Variants in SSH2 observed in about 807,000 individuals in gnomAD.
SSH2 encodes the protein slingshot protein phosphatase 2.
Under a neutral mutation model 135.2 loss-of-function variants are expected in SSH2, and 37 were observed. That is an observed-to-expected ratio of 0.27 (90% CI 0.21 to 0.36). The LOEUF (loss-of-function observed/expected upper bound fraction) is 0.36, where lower values mean the gene tolerates loss of function less well. SSH2 is among the 10% of genes least tolerant of loss of function. The probability of loss-of-function intolerance (pLI) is 1.00; values close to 1 mark genes in which losing one functional copy is unlikely to be tolerated. For synonymous variants in SSH2, 628 were observed against 646.2 expected, an observed-to-expected ratio of 0.97 and a Z score of 0.43; for missense variants, 1,408 against 1,765.3, an observed-to-expected ratio of 0.80 and a Z score of 3.63.
In SSH2 at chr17:29,636,400, T is replaced by C; in HGVS notation, c.1830A>G (p.Pro610=). ...SKALIQPGHV[P]EMANKFPDLT... is the part of the protein sequence containing the mutation. ...AGTCTGGAAACTTGTTGGCCATTTCTGGGACATGTCCAGGCTGAATTAAGG... is the reference window on the plus strand; with the variant it reads ...AGTCTGGAAACTTGTTGGCCATTTCCGGGACATGTCCAGGCTGAATTAAGG... The change falls in exon 15 of 16, where the codon CCA becomes CCG. Residue 610 remains proline, a synonymous_variant. Transcript: ENST00000540801. 1 of 1,614,242 alleles carries C rather than the reference T, an allele frequency of 6.2e-7. No homozygotes were observed. Among genetic ancestry groups the C allele is most frequent in the Non-Finnish European group, 8.5e-7 (1 of 1,180,038 alleles).
intron 2 of SSH2, among the ~76,000 whole-genome samples, chr17:29,806,919 G>T (rs2042356808): frequency 6.6e-6 from 1 of 152,130 alleles, no homozygotes; most frequent in Admixed American, 6.5e-5. Flanking sequence ...TGGCATCTGG[G>T]TTTAGCACCA....
chr17:29,632,371 A>G lies in SSH2; in HGVS notation c.2823T>C (p.Ser941=). ...SVADLAPKGK[S]DEAPPEHSFV... ...ATGAATGTTCTGGGGGGGCTTCATC[A>G]CTTTTCCCTTTTGGTGCTAGGTCTG... The change falls in exon 16 of 16, where the codon AGT becomes AGC. Residue 941 remains serine, a synonymous_variant. Transcript: ENST00000540801. The G allele has an allele frequency of 6.2e-7, 1 of 1,613,884 alleles. No individual in the cohort carries two copies. Among genetic ancestry groups the G allele is most frequent in the Non-Finnish European group, 8.5e-7 (1 of 1,179,868 alleles).
intron 2 of SSH2, among the ~76,000 whole-genome samples, chr17:29,847,574 C>T (rs1241251708): frequency 6.6e-6 from 1 of 152,204 alleles, no homozygotes; most frequent in African/African-American, 2.4e-5. Context: ...CTTCCCTTCA[C>T]TTCCCTCCAG....
intron 3 of SSH2, among the ~76,000 whole-genome samples, chr17:29,761,841 A>AGTGTGTGTG (rs2041319161): frequency 7.1e-6 from 1 of 141,228 alleles, no homozygotes; most frequent in African/African-American, 2.9e-5. Context: ...ACTCACATAC[A>AGTGTGTGTG]TATGTGTGTG....
intron 1 of SSH2, among the ~76,000 whole-genome samples, chr17:29,851,577 G>A (rs2065560550): frequency 6.6e-6 from 1 of 151,720 alleles, no homozygotes; most frequent in African/African-American, 2.4e-5. Context: ...TGGGCAATAA[G>A]AGCGAAACGC....
At chr17:29,727,187 A>G (rs994638610) in intron 3 of SSH2, among the ~76,000 whole-genome samples, 1 of 152,254 alleles carries the variant, frequency 6.6e-6, no homozygotes, top group African/African-American at 2.4e-5. Flanking sequence ...AATAATGCAG[A>G]TAAGTTCTGA....
At chr17:29,766,848 A>C (rs897491033) in intron 3 of SSH2, among the ~76,000 whole-genome samples, 2 of 152,172 alleles carry the variant, frequency 1.3e-5, no homozygotes, top group Non-Finnish European at 2.9e-5. Flanking sequence ...GTCTCCTGTT[A>C]ATCTGTAAAA....
chr17:29,759,784 T>C (rs927374056), intron 3 of SSH2, among the ~76,000 whole-genome samples: 1 of 152,260 alleles, frequency 6.6e-6, no homozygotes, highest in Non-Finnish European at 1.5e-5. Context: ...TTCTACTATA[T>C]GTACATACCA....
chr17:29,866,570 C>T (rs2065859171), intron 1 of SSH2, among the ~76,000 whole-genome samples: 1 of 152,072 alleles, frequency 6.6e-6, no homozygotes, highest in African/African-American at 2.4e-5. Flanking sequence ...GTCTGAAAAC[C>T]CATGAAAAGA....
chr17:29,840,551 T>C (rs2043022746), intron 2 of SSH2, among the ~76,000 whole-genome samples: 1 of 152,236 alleles, frequency 6.6e-6, no homozygotes, highest in Non-Finnish European at 1.5e-5. Flanking sequence ...ATTTTAGAAG[T>C]TGTCACAAGT....
At chr17:29,863,029 A>G (rs1483199646) in intron 1 of SSH2, among the ~76,000 whole-genome samples, 2 of 152,188 alleles carry the variant, frequency 1.3e-5, no homozygotes. Context: ...TTATACAGCC[A>G]GCAAGCTAAG....
At chr17:29,902,061 A>G (rs1276379525) in intron 1 of SSH2, among the ~76,000 whole-genome samples, 1 of 152,112 alleles carries the variant, frequency 6.6e-6, no homozygotes, top group Non-Finnish European at 1.5e-5. Context: ...TGTTGGGATT[A>G]CAGGCATAAA....
Position 29,930,213 on chromosome 17 carries a change from A to T in SSH2, c.-213T>A. 5.4e-6 allele frequency: 3 copies of T among 554,170 alleles called. No homozygotes were observed. Among genetic ancestry groups the T allele is most frequent in the South Asian group, 4.4e-5 (2 of 45,126 alleles). 34.3% of individuals were successfully genotyped at this position (554,170 alleles called of 1,614,324 possible). On this transcript the variant is annotated 5_prime_UTR_variant, in exon 1 of 16. Transcript: ENST00000540801. ...ACGGGCGGCGGGCGGGCGGTTCCGC[A>T]GCTGCGGGGCACAATGAGCGCTCCC...
Position 29,636,415 on chromosome 17 carries a change from C to A in SSH2, c.1815G>T (p.Gln605His), listed in dbSNP as rs2035916991. The A allele has an allele frequency of 3.7e-6, 6 of 1,614,184 alleles. No homozygotes were observed. The highest frequency in any genetic ancestry group is 4.2e-6 in the Non-Finnish European group (5 of 1,180,034). The change falls in exon 15 of 16, where the codon CAG becomes CAT. Residue 605 changes from glutamine to histidine, a missense_variant. By Grantham distance (24) the Gln-to-His change is conservative. Transcript: ENST00000540801. Reference protein sequence around the residue: ...DNCHASKALIQPGHVPEMANK... With the variant: ...DNCHASKALIHPGHVPEMANK... ...TGGCCATTTCTGGGACATGTCCAGG[C>A]TGAATTAAGGCTTTGGATGCATGGC...
chr17:29,826,956 G>A (rs2042756750), intron 2 of SSH2, among the ~76,000 whole-genome samples: 1 of 152,114 alleles, frequency 6.6e-6, no homozygotes, highest in African/African-American at 2.4e-5. Flanking sequence ...AAAGGTAGCA[G>A]CTACCTACCA....
intron 2 of SSH2, among the ~76,000 whole-genome samples, chr17:29,845,520 C>G (rs1474561605): frequency 6.6e-6 from 1 of 152,186 alleles, no homozygotes; most frequent in Non-Finnish European, 1.5e-5. Context: ...GACAACAAAT[C>G]TGACTTAAAT....
intron 3 of SSH2, among the ~76,000 whole-genome samples, chr17:29,715,963 T>G (rs2039608379): frequency 6.6e-6 from 1 of 152,180 alleles, no homozygotes. Flanking sequence ...CATTGCAACT[T>G]CTGTTTCCTT....
chr17:29,818,441 G>A (rs1198568751), intron 2 of SSH2, among the ~76,000 whole-genome samples: 1 of 151,334 alleles, frequency 6.6e-6, no homozygotes, highest in Non-Finnish European at 1.5e-5. Context: ...GTAGAGACGG[G>A]GTTTCACCAT....
chr17:29,792,058 G>T (rs1179064443), intron 3 of SSH2, among the ~76,000 whole-genome samples: 2 of 151,662 alleles, frequency 1.3e-5, no homozygotes, highest in African/African-American at 4.8e-5. Flanking sequence ...GAGTAGCTGG[G>T]ATTACAGGCA....
Sources: allele counts gnomAD v4.1 joint callset (sites outside exome capture counted in the v4.1 genomes callset), GRCh38; gene constraint gnomAD v4.1.1; transcripts MANE v1.5; gene names NCBI Gene and HGNC (gene_info 2026-07-23, HGNC 2026-07-21).